Variants in CFAP47 observed in about 807,000 individuals in gnomAD.
The protein encoded by CFAP47 is cilia- and flagella-associated protein 47.
CFAP47 carries 29 observed loss-of-function variants against 148.1 expected under a neutral mutation model. The observed-to-expected ratio is 0.20, with a 90% CI of 0.15 to 0.27. The LOEUF is 0.27. CFAP47 is among the 10% of genes least tolerant of loss of function. The pLI is 1.00. For synonymous variants in CFAP47, 664 were observed against 577.3 expected (o/e 1.15, Z -2.15); for missense variants, 1,872 against 1,697.5 (o/e 1.10, Z -1.81).
chrX:36,176,750 A>G (rs1939687218), intron 39 of CFAP47, among the ~76,000 whole-genome samples: 1 of 111,237 alleles, frequency 9.0e-6, no homozygotes, highest in Non-Finnish European at 1.9e-5. Context: ...CAAAAATTCA[A>G]AAAAATTAGC....
chrX:36,348,289 G>T lies in CFAP47; in HGVS notation c.8603+1G>T. ...ATGAGTTGGATATAAAATTTAAAAG[G>T]TAACATTTAAATAAAGACATTGAAG... On this transcript the variant is annotated splice_donor_variant, in intron 58 of 63. Transcript: ENST00000378653. LOFTEE classifies it high-confidence loss of function. 1 of 979,446 alleles carries T rather than the reference G, an allele frequency of 1.0e-6. No homozygotes were observed. Among genetic ancestry groups the T allele is most frequent in the Non-Finnish European group, 1.3e-6 (1 of 760,722 alleles). The allele number at this position is 979,446 out of a possible 1,213,427, so 80.7% of individuals were successfully genotyped here. A position where few individuals can be genotyped will look rare whatever the true frequency, so the allele number is the denominator to read the frequency against.
intron 40 of CFAP47, among the ~76,000 whole-genome samples, chrX:36,182,012 A>C (rs779313255): frequency 2.8e-4 from 31 of 112,420 alleles, no homozygotes; most frequent in African/African-American, 1.0e-3. Flanking sequence ...AGAAGTTACT[A>C]TGGCTCCTTC....
At chrX:36,363,053 G>C (rs1230423413) in intron 61 of CFAP47, among the ~76,000 whole-genome samples, 2 of 111,332 alleles carry the variant, frequency 1.8e-5, no homozygotes, top group East Asian at 2.8e-4. Context: ...AAAATTTTTT[G>C]GATTTAGAAC....
intron 49 of CFAP47, among the ~76,000 whole-genome samples, chrX:36,263,351 A>T (rs1940852414): frequency 9.0e-6 from 1 of 111,598 alleles, no homozygotes; most frequent in Non-Finnish European, 1.9e-5. Context: ...TGGGAGTTTG[A>T]TTATTAAATG....
intron 57 of CFAP47, among the ~76,000 whole-genome samples, chrX:36,341,690 G>C (rs1941654866): frequency 9.1e-6 from 1 of 110,152 alleles, no homozygotes; most frequent in Non-Finnish European, 1.9e-5. Context: ...AATAAAATTT[G>C]AATGCTAATT....
intron 33 of CFAP47, among the ~76,000 whole-genome samples, chrX:36,123,378 G>T (rs148238891): frequency 5.1e-4 from 57 of 112,031 alleles, no homozygotes; most frequent in African/African-American, 1.8e-3. Flanking sequence ...TCAGGGTGGT[G>T]AGTTCCCCCA....
At chrX:36,203,086 G>A (rs1407947428) in intron 44 of CFAP47, among the ~76,000 whole-genome samples, 1 of 111,276 alleles carries the variant, frequency 9.0e-6, no homozygotes, top group Admixed American at 9.6e-5. Context: ...AATTGGTGAT[G>A]ATATTTTTAA....
Position 36,149,798 on chromosome X carries a change from A to T in CFAP47, c.5786+575A>T, listed in dbSNP as rs1173839397. ...TAATTTTTGTATTTTTAGTAGAGGC[A>T]GGGTTTCACCACGTTGGCCAGGCTG... On this transcript the variant is annotated intron_variant, in intron 37 of 63. Transcript: ENST00000378653. 9.3e-5 allele frequency among the ~76,000 whole-genome samples: 10 copies of T among 107,619 alleles called. 1 individual carries two copies. The Admixed American group carries it at 1.0e-3, about 11-fold the overall frequency. The allele number at this position is 107,619 out of a possible 115,157, so 93.5% of individuals were successfully genotyped here.
chrX:35,956,828 T>C (rs1332116361), intron 8 of CFAP47, among the ~76,000 whole-genome samples: 1 of 111,725 alleles, frequency 9.0e-6, no homozygotes, highest in African/African-American at 3.3e-5. Flanking sequence ...ACAGGTCAAA[T>C]ATGGCCTGAT....
intron 30 of CFAP47, among the ~76,000 whole-genome samples, chrX:36,086,428 T>C (rs1938089466): frequency 8.9e-6 from 1 of 111,852 alleles, no homozygotes; most frequent in East Asian, 2.8e-4. Flanking sequence ...ATGGTTAATA[T>C]ATTTTTAGAT....
At chrX:36,211,247 G>A in intron 45 of CFAP47, 2 of 245,405 alleles carry the variant, frequency 8.1e-6, no homozygotes, top group South Asian at 5.4e-5. Flanking sequence ...TCTAAGAACT[G>A]CTCAGAGAGG....
intron 57 of CFAP47, among the ~76,000 whole-genome samples, chrX:36,339,246 A>C (rs1941633510): frequency 1.1e-5 from 1 of 87,052 alleles, no homozygotes; most frequent in African/African-American, 7.7e-5. Flanking sequence ...AGAAAATCTC[A>C]CTTATAAATA....
intron 39 of CFAP47, among the ~76,000 whole-genome samples, chrX:36,176,507 C>T (rs764509717): frequency 8.9e-6 from 1 of 112,782 alleles, no homozygotes; most frequent in African/African-American, 3.2e-5. Flanking sequence ...AGGCCCACTT[C>T]AATCCAATTG....
intron 54 of CFAP47, among the ~76,000 whole-genome samples, chrX:36,304,238 C>T (rs782329777): frequency 9.1e-6 from 1 of 109,734 alleles, no homozygotes; most frequent in South Asian, 3.9e-4. Context: ...AAAAATTAGC[C>T]AGACGTGGTG....
chrX:36,371,734 GTA>G lies in CFAP47; in HGVS notation c.9185+4613_9185+4614del, dbSNP rs5902128. ...TATGTGTGTATATACACACATGTGT[GTA>G]TATATGTGTGTATATACACACATGT... On this transcript the variant is annotated intron_variant, in intron 62 of 63. Coordinates refer to ENST00000378653, the MANE Select transcript of CFAP47 (RefSeq NM_001304548.2). Among the ~76,000 whole-genome samples the G allele has an allele frequency of 9.9e-4, 51 of 51,517 alleles. 3 individuals carry two copies. The highest frequency in any genetic ancestry group is 3.9e-3 in the African/African-American group (38 of 9,691). 44.7% of individuals were successfully genotyped at this position (51,517 alleles called of 115,157 possible).
chrX:36,337,397 T>C (rs1556015005), intron 57 of CFAP47, among the ~76,000 whole-genome samples: 1 of 112,217 alleles, frequency 8.9e-6, no homozygotes, highest in Admixed American at 9.5e-5. Flanking sequence ...GCTTAGGAGT[T>C]ATGAATACCA....
intron 33 of CFAP47, among the ~76,000 whole-genome samples, chrX:36,119,099 C>T (rs1451997617): frequency 3.6e-5 from 4 of 111,715 alleles, no homozygotes; most frequent in Non-Finnish European, 5.6e-5. Flanking sequence ...CTAGGATTTA[C>T]AGTACTTTGT....
At chrX:35,923,891 ATGTG>A (rs1428158509) in intron 1 of CFAP47, among the ~76,000 whole-genome samples, 1 of 74,889 alleles carries the variant, frequency 1.3e-5, no homozygotes, top group Non-Finnish European at 2.2e-5. Flanking sequence ...GTACATATAT[ATGTG>A]TATATATGTA....
intron 3 of CFAP47, among the ~76,000 whole-genome samples, chrX:35,942,138 G>A (rs776557154): frequency 9.0e-6 from 1 of 110,701 alleles, no homozygotes; most frequent in East Asian, 2.8e-4. Flanking sequence ...TGATTCAATG[G>A]CATGTGGGGT....
Sources: allele counts gnomAD v4.1 joint callset (sites outside exome capture counted in the v4.1 genomes callset), GRCh38; gene constraint gnomAD v4.1.1; transcripts MANE v1.5; gene names NCBI Gene and HGNC (gene_info 2026-07-23, HGNC 2026-07-21).